Variants in ALAS2 observed in about 807,000 individuals in gnomAD.
ALAS2 encodes the protein 5'-aminolevulinate synthase 2, also known as 5-aminolevulinate synthase, erythroid-specific, mitochondrial.
ALAS2 carries 3 observed loss-of-function variants against 33.7 expected under a neutral mutation model. The ratio of observed to expected loss-of-function variants is 0.09; its 90% CI spans 0.04 to 0.23. The LOEUF (loss-of-function observed/expected upper bound fraction) is 0.23. Ranked by LOEUF, ALAS2 falls within the 10% of genes least tolerant of loss-of-function variation. The pLI, the probability that ALAS2 is intolerant of heterozygous loss-of-function variation, is 1.00. For synonymous variants in ALAS2, 191 were observed against 177.3 expected (o/e 1.08, Z -0.61); for missense variants, 304 against 475.1 (o/e 0.64, Z 3.35).
At chrX:55,015,959 CTGTGTGTGTGTGTG>C (rs56109492) in intron 7 of ALAS2, among the ~76,000 whole-genome samples, 866 of 80,144 alleles carry the variant, frequency 0.011, 10 homozygotes, top group African/African-American at 0.034. Flanking sequence ...CTCTGTCTCT[CTGTGTGTGTGTGTG>C]TGTGTGTGTG....
chrX:55,015,499 T>C (rs1935683392), intron 8 of ALAS2, 79 bp downstream of exon 8: 4 of 1,128,087 alleles, frequency 3.5e-6, no homozygotes, highest in Middle Eastern at 2.5e-4. Flanking sequence ...CCCTATAGCT[T>C]TGGGGAGGAG....
chrX:55,028,741 T>C (rs768129795), intron 1 of ALAS2, among the ~76,000 whole-genome samples: 1 of 111,771 alleles, frequency 8.9e-6, no homozygotes, highest in African/African-American at 3.3e-5. Context: ...CATGACCTTG[T>C]AGTCTAGTTA....
Position 55,013,574 on chromosome X carries a change from G to A in ALAS2, c.1512C>T (p.Ile504=). The change falls in exon 10 of 11, where the codon ATC becomes ATT. Residue 504 remains isoleucine, a synonymous_variant. Coordinates refer to ENST00000650242, the MANE Select transcript of ALAS2 (RefSeq NM_000032.5). ...CACCCCGGGGGACAGTTGGGTAGTT[G>A]ATGGCCTGCACATAGATGCCATGCT... The part of the protein sequence containing the change: ...LSKHGIYVQA[I]NYPTVPRGEE... 1 of 1,211,499 alleles carries A rather than the reference G, an allele frequency of 8.3e-7. No individual in the cohort carries two copies. The highest frequency in any genetic ancestry group is 1.1e-6 in the Non-Finnish European group (1 of 895,440).
intron 1 of ALAS2, among the ~76,000 whole-genome samples, chrX:55,026,524 G>A (rs1157912670): frequency 8.9e-6 from 1 of 112,057 alleles, no homozygotes; most frequent in Non-Finnish European, 1.9e-5. Flanking sequence ...GAAGGAGCTT[G>A]AGGTCACATG....
In ALAS2 at chrX:55,025,090, G is replaced by A. The variant is rs188411015; in HGVS notation, c.182-250C>T. 5.4e-5 allele frequency among the ~76,000 whole-genome samples: 6 copies of A among 110,824 alleles called. No individual in the cohort carries two copies. The East Asian group carries it at 1.7e-3, about 32-fold the overall frequency. ...GCTACAGAAGTCCAGAAGAGGGAGG[G>A]GAAATGAGCCAGAATTGGAATTAGA... is the stretch of plus-strand genomic sequence containing the variant. On this transcript the variant is annotated intron_variant, in intron 2 of 10. Coordinates refer to ENST00000650242, the MANE Select transcript of ALAS2 (RefSeq NM_000032.5).
chrX:55,026,582 G>C (rs888650119), intron 1 of ALAS2, among the ~76,000 whole-genome samples: 1 of 111,720 alleles, frequency 9.0e-6, no homozygotes, highest in African/African-American at 3.3e-5. Context: ...GTAGGCCCTA[G>C]GTCCTACAGA....
intron 1 of ALAS2, chrX:55,027,712 T>A: frequency 8.4e-7 from 1 of 1,194,854 alleles, no homozygotes; most frequent in Non-Finnish European, 1.1e-6. Flanking sequence ...TTCATCTCCC[T>A]CCCTTCCTGA....
At chrX:55,018,638 G>A (rs2146720517) in intron 6 of ALAS2, among the ~76,000 whole-genome samples, 1 of 111,724 alleles carries the variant, frequency 9.0e-6, no homozygotes, top group African/African-American at 3.3e-5. Context: ...GAATGAAATA[G>A]TGAGAGGAGG....
chrX:55,013,651 G>A lies in ALAS2; in HGVS notation c.1438-3C>T. On this transcript the variant is annotated splice_polypyrimidine_tract_variant and splice_region_variant and intron_variant, in intron 9 of 10. Coordinates refer to ENST00000650242, the MANE Select transcript of ALAS2 (RefSeq NM_000032.5). ...CTGTTGAGTGCTGCATTGCCCACCT[G>A]GACTCAGGAGAAAGGCTAATCAGTA... is the stretch of plus-strand genomic sequence containing the variant. 1 of 1,211,016 alleles carries A rather than the reference G, an allele frequency of 8.3e-7. No individual in the cohort carries two copies. The highest frequency in any genetic ancestry group is 1.1e-6 in the Non-Finnish European group (1 of 895,241).
At position 55,014,791 on chromosome X, in the gene ALAS2, C is replaced by T; in HGVS notation, c.1393G>A (p.Gly465Ser). ...KHMRQLLMDR[G>S]LPVIPCPSHI... ...CTGGGGCAGGGGATGACAGGAAGGC[C>T]CCTGTCCATGAGTAGCTGGCGCATG... is the stretch of plus-strand genomic sequence containing the variant. Residue 465 changes from glycine (G) to serine (S), a missense_variant, in exon 9 of 11, where the codon GGC becomes AGC. Transcript: ENST00000650242. 1 of 1,196,690 alleles carries T rather than the reference C, an allele frequency of 8.4e-7. No homozygotes were observed. Among genetic ancestry groups the T allele is most frequent in the African/African-American group, 1.7e-5 (1 of 57,547 alleles).
rs45468097 is a variant in ALAS2, at chrX:55,013,664, A to G, written c.1438-16T>C. On this transcript the variant is annotated splice_polypyrimidine_tract_variant and intron_variant, in intron 9 of 10. Transcript: ENST00000650242. ...CATTGCCCACCTGGACTCAGGAGAA[A>G]GGCTAATCAGTACCTGCCACTCTGG... 8 of 1,208,083 alleles carry G rather than the reference A, an allele frequency of 6.6e-6. No individual in the cohort carries two copies. In the African/African-American group the frequency reaches 1.1e-4, roughly 16 times the overall value.
rs1336354839 is a variant in ALAS2, at chrX:55,020,442, T to C, written c.701A>G (p.Lys234Arg). The C allele has an allele frequency of 8.4e-7, 1 of 1,191,601 alleles. No individual in the cohort carries two copies. Among genetic ancestry groups the C allele is most frequent in the Admixed American group, 2.3e-5 (1 of 43,243 alleles). ...CTCCTGCTCAAGCTCCACATGAAACTTACTGGTGCCTGAGATGTTGCGGGT... is the reference window on the plus strand; with the variant it reads ...CTCCTGCTCAAGCTCCACATGAAACCTACTGGTGCCTGAGATGTTGCGGGT... The part of the protein sequence containing the change: ...GGTRNISGTS[K>R]FHVELEQELA... Residue 234 changes from lysine (K) to arginine (R), a missense_variant, in exon 6 of 11, where the codon AAG (lysine) becomes AGG (arginine). Around this residue, in one of 3 missense-constraint regions of ALAS2, gnomAD observed 138 missense variants for 265.3 expected, o/e 0.52. Transcript: ENST00000650242.
intron 10 of ALAS2, 41 bp from the exon 11 acceptor site, chrX:55,009,384 A>T: frequency 2.6e-6 from 3 of 1,150,091 alleles, no homozygotes; most frequent in Non-Finnish European, 3.5e-6. Flanking sequence ...AATGGGTTAG[A>T]CTAGATCTTC....
chrX:55,025,796 C>A, intron 2 of ALAS2, 24 bp downstream of exon 2: 1 of 1,206,237 alleles, frequency 8.3e-7, no homozygotes, highest in Non-Finnish European at 1.1e-6. Flanking sequence ...ACATTCTCCC[C>A]TTTTGCTAGC....
chrX:55,028,023 A>C (rs1935920967), intron 1 of ALAS2, among the ~76,000 whole-genome samples: 1 of 111,836 alleles, frequency 8.9e-6, no homozygotes, highest in Non-Finnish European at 1.9e-5. Flanking sequence ...TGTTCAAATC[A>C]CTTCCCCTCT....
intron 3 of ALAS2, among the ~76,000 whole-genome samples, chrX:55,024,119 G>A (rs1802640012): frequency 8.9e-6 from 1 of 112,035 alleles, no homozygotes; most frequent in South Asian, 3.8e-4. Flanking sequence ...CTTGGCTCAG[G>A]TAACTGGAGC....
chrX:55,014,287 G>A (rs898508121), intron 9 of ALAS2, among the ~76,000 whole-genome samples: 2 of 111,510 alleles, frequency 1.8e-5, no homozygotes, highest in African/African-American at 3.3e-5. Flanking sequence ...GTTTTACACC[G>A]TGACCATAAA....
intron 10 of ALAS2, among the ~76,000 whole-genome samples, chrX:55,011,379 C>A (rs781232902): frequency 8.9e-6 from 1 of 111,851 alleles, no homozygotes; most frequent in East Asian, 2.8e-4. Context: ...AATACATATT[C>A]TGTTCCTTCA....
At chrX:55,027,766 CT>C in intron 1 of ALAS2, 1 of 1,211,493 alleles carries the variant, frequency 8.3e-7, no homozygotes, top group Non-Finnish European at 1.1e-6. Flanking sequence ...AAAACAACCT[CT>C]TTTTCTTGTT....
Sources: gnomAD v4.1 joint callset for allele counts (sites outside exome capture counted in the v4.1 genomes callset) on GRCh38, gnomAD v4.1.1 for gene constraint, gnomAD v4.1.1 regional missense constraint, MANE v1.5 for transcripts, NCBI Gene and HGNC (gene_info 2026-07-23, HGNC 2026-07-21) for gene names.